FBXO34: variants seen among roughly 807,000 people sequenced by gnomAD.
FBXO34 encodes F-box protein 34, also known as F-box only protein 34.
In FBXO34, 12 loss-of-function variants were observed where a neutral mutation model predicts 24.5. The ratio of observed to expected loss-of-function variants is 0.49; its 90% CI spans 0.31 to 0.79. The LOEUF (loss-of-function observed/expected upper bound fraction) is 0.79. Among genes scored for constraint, FBXO34 ranks in the 30% least tolerant of loss-of-function variants. FBXO34 has a pLI of 0.04. For synonymous variants in FBXO34, 320 were observed against 311.9 expected (o/e 1.03, Z -0.27); for missense variants, 823 against 857.7 (o/e 0.96, Z 0.51).
At chr14:55,312,356 G>A (rs1271146338) in intron 1 of FBXO34, among the ~76,000 whole-genome samples, 1 of 152,136 alleles carries the variant, frequency 6.6e-6, no homozygotes, top group East Asian at 1.9e-4. Flanking sequence ...GGCTTTCACG[G>A]GCTGGTCTTG....
chr14:55,313,335 C>G (rs61975436), intron 1 of FBXO34, among the ~76,000 whole-genome samples: 2 of 152,164 alleles, frequency 1.3e-5, no homozygotes, highest in African/African-American at 4.8e-5. Flanking sequence ...ATATCACTAT[C>G]AGCATTTTGG....
chr14:55,295,387 A>ATTTTTTTTTTTTTTTTTTTTT (rs3051307), intron 1 of FBXO34, among the ~76,000 whole-genome samples: 1 of 91,410 alleles, frequency 1.1e-5, no homozygotes, highest in Non-Finnish European at 2.0e-5. Context: ...ATTCTTTTCT[A>ATTTTTTTTTTTTTTTTTTTTT]TTTTTTTTTT....
chr14:55,325,523 T>C (rs1347621692), intron 1 of FBXO34, among the ~76,000 whole-genome samples: 1 of 152,198 alleles, frequency 6.6e-6, no homozygotes, highest in Non-Finnish European at 1.5e-5. Flanking sequence ...TTGCCCAGGC[T>C]GGAGTGCAAT....
chr14:55,395,765 C>T, the FBXO34 span, among the ~76,000 whole-genome samples: 226 of 152,242 alleles, frequency 1.5e-3, 2 homozygotes, highest in Admixed American at 5.4e-3. Context: ...AATTAATTGC[C>T]GATACCCCAT....
chr14:55,425,638 G>A, the FBXO34 span, among the ~76,000 whole-genome samples: 1 of 152,134 alleles, frequency 6.6e-6, no homozygotes, highest in Non-Finnish European at 1.5e-5. Context: ...TCGAACACCT[G>A]CCAATTTCTT....
chr14:55,281,225 G>T (rs144643701), intron 1 of FBXO34, among the ~76,000 whole-genome samples: 220 of 138,072 alleles, frequency 1.6e-3, no homozygotes, highest in African/African-American at 5.9e-3. Context: ...CTGGACTCCA[G>T]CCTGGATGAC....
At chr14:55,422,988 A>G in the FBXO34 span, among the ~76,000 whole-genome samples, 1 of 152,248 alleles carries the variant, frequency 6.6e-6, no homozygotes, top group African/African-American at 2.4e-5. Context: ...AAAAAAGCCA[A>G]CAGGAAAAAA....
chr14:55,380,436 T>C, the FBXO34 span: 1 of 604,668 alleles, frequency 1.7e-6, no homozygotes, highest in Non-Finnish European at 2.9e-6. Flanking sequence ...TTGAAATTAA[T>C]CTCAATATTT....
At chr14:55,359,071 AGCATAGTCTCTCTGG>A (rs1334122225) in intron 3 of FBXO34, among the ~76,000 whole-genome samples, 1 of 152,138 alleles carries the variant, frequency 6.6e-6, no homozygotes, top group Non-Finnish European at 1.5e-5. Flanking sequence ...CACCACTCCC[AGCATAGTCTCTCTGG>A]CAGTGAGCAG....
Position 55,350,563 on chromosome 14 carries a change from C to T in FBXO34, c.173C>T (p.Ser58Phe), listed in dbSNP as rs1884319295. ...FPSASLGKAS[S>F]RKPFGILSPN... is the part of the protein sequence containing the mutation. ...TCAGCCTCTCTCGGTAAAGCATCAT[C>T]TCGAAAGCCATTTGGGATCCTTTCT... The change falls in exon 2 of 2, where the codon TCT becomes TTT. Residue 58 changes from serine (S) to phenylalanine (F), a missense_variant. Ser to Phe is a radical substitution (Grantham distance 155). Around this residue, in one of 2 missense-constraint regions of FBXO34, gnomAD observed 693 missense variants for 659.1 expected, o/e 1.05. Transcript: ENST00000313833. 1.2e-6 allele frequency: 2 copies of T among 1,613,250 alleles called. No individual in the cohort carries two copies. Among genetic ancestry groups the T allele is most frequent in the East Asian group, 4.5e-5 (2 of 44,870 alleles).
downstream of FBXO34, chr14:55,366,302 A>G (rs1320575247): frequency 6.6e-6 from 1 of 152,660 alleles, no homozygotes; most frequent in Admixed American, 6.5e-5. Flanking sequence ...TAATTTGTAT[A>G]AAGTACTCCA....
chr14:55,321,921 T>C (rs1019260654), intron 1 of FBXO34, among the ~76,000 whole-genome samples: 52 of 152,358 alleles, frequency 3.4e-4, no homozygotes, highest in African/African-American at 1.2e-3. Flanking sequence ...TTTTTGAAAT[T>C]ATACAATTTA....
chr14:55,314,649 A>G (rs944627239), intron 1 of FBXO34, among the ~76,000 whole-genome samples: 4 of 152,254 alleles, frequency 2.6e-5, no homozygotes, highest in African/African-American at 9.6e-5. Flanking sequence ...TTTTGATTAT[A>G]CAGCAATAAA....
At chr14:55,388,695 A>G in the FBXO34 span, among the ~76,000 whole-genome samples, 1 of 152,224 alleles carries the variant, frequency 6.6e-6, no homozygotes, top group Middle Eastern at 3.2e-3. Flanking sequence ...TTCAACAACA[A>G]CAAGCTCTTA....
chr14:55,319,383 G>A (rs1883048946), intron 1 of FBXO34, among the ~76,000 whole-genome samples: 1 of 152,134 alleles, frequency 6.6e-6, no homozygotes, highest in South Asian at 2.1e-4. Flanking sequence ...ATATCCAGTT[G>A]CCAAATTTTA....
At chr14:55,295,122 C>CCAT (rs1397541829) in intron 1 of FBXO34, among the ~76,000 whole-genome samples, 23 of 152,110 alleles carry the variant, frequency 1.5e-4, no homozygotes, top group African/African-American at 5.6e-4. Context: ...CACTTTTGCG[C>CCAT]CATCGTAAAG....
At chr14:55,403,351 G>A in the FBXO34 span, among the ~76,000 whole-genome samples, 1 of 151,976 alleles carries the variant, frequency 6.6e-6, no homozygotes, top group South Asian at 2.1e-4. Flanking sequence ...AGAGACTGAG[G>A]GATTATGAAA....
At chr14:55,297,613 G>C (rs12050099) in intron 1 of FBXO34, among the ~76,000 whole-genome samples, 55,003 of 152,070 alleles carry the variant, frequency 0.36, 10,574 homozygotes, top group Non-Finnish European at 0.42. Context: ...ATTTTGATAG[G>C]ATTAGGTAAT....
intron 1 of FBXO34, among the ~76,000 whole-genome samples, chr14:55,308,409 T>G (rs539027307): frequency 9.9e-5 from 15 of 152,242 alleles, no homozygotes; most frequent in Non-Finnish European, 2.1e-4. Flanking sequence ...CAATTTCTCA[T>G]GTAATTTATT....
Sources: gnomAD v4.1 joint callset for allele counts (sites outside exome capture counted in the v4.1 genomes callset) on GRCh38, gnomAD v4.1.1 for gene constraint, gnomAD v4.1.1 regional missense constraint, MANE v1.5 for transcripts, NCBI Gene and HGNC (gene_info 2026-07-23, HGNC 2026-07-21) for gene names.